Variants in ANXA6 observed in about 807,000 individuals in gnomAD.
ANXA6 encodes 67 kDa calelectrin.
A neutral mutation model predicts 95.4 loss-of-function variants in ANXA6; 71 were observed. The observed-to-expected ratio is 0.74, with a 90% CI of 0.61 to 0.91. The LOEUF is 0.91. ANXA6 is among the 40% of genes least tolerant of loss of function. The pLI, the probability that ANXA6 is intolerant of heterozygous loss-of-function variation, is 0.00. For synonymous variants in ANXA6, 289 were observed against 315.9 expected (o/e 0.91, Z 0.90); for missense variants, 830 against 876.4 (o/e 0.95, Z 0.67).
chr5:151,146,708 C>T (rs1295425722), intron 2 of ANXA6, among the ~76,000 whole-genome samples: 1 of 152,192 alleles, frequency 6.6e-6, no homozygotes, highest in African/African-American at 2.4e-5. Context: ...TTCTCCCTGC[C>T]AATCCCATCG....
intron 7 of ANXA6, among the ~76,000 whole-genome samples, chr5:151,135,092 A>T (rs1008829130): frequency 7.2e-5 from 11 of 152,218 alleles, no homozygotes; most frequent in Non-Finnish European, 1.3e-4. Context: ...AGGGGCGAGC[A>T]GTACTCAACT....
intron 1 of ANXA6, among the ~76,000 whole-genome samples, chr5:151,150,464 G>A (rs113178535): frequency 1.3e-5 from 2 of 152,326 alleles, no homozygotes; most frequent in South Asian, 4.1e-4. Context: ...TACTGTGCTG[G>A]TGGGAAGTTG....
chr5:151,155,896 C>A (rs1370518558), intron 1 of ANXA6, among the ~76,000 whole-genome samples: 1 of 152,174 alleles, frequency 6.6e-6, no homozygotes, highest in African/African-American at 2.4e-5. Flanking sequence ...TGGCCCAGGG[C>A]TCCCTCTGGA....
chr5:151,140,050 C>A, intron 3 of ANXA6, 103 bp downstream of exon 3: 1 of 853,708 alleles, frequency 1.2e-6, no homozygotes. Context: ...TGAATAAGTG[C>A]ACTTCACCAT....
chr5:151,123,686 C>T (rs1028585600), intron 15 of ANXA6, among the ~76,000 whole-genome samples: 14 of 152,146 alleles, frequency 9.2e-5, no homozygotes, highest in African/African-American at 3.4e-4. Context: ...CCTAAAGCCT[C>T]CTGGGAGTTG....
chr5:151,151,181 TCCACAGC>T (rs1306360305), intron 1 of ANXA6: 10 of 152,352 alleles, frequency 6.6e-5, no homozygotes, highest in African/African-American at 2.4e-4. Context: ...CCCTGCTGAT[TCCACAGC>T]CCCGCCTCTG....
intron 2 of ANXA6, 84 bp downstream of exon 2, chr5:151,147,800 C>A: frequency 6.9e-7 from 1 of 1,459,186 alleles, no homozygotes; most frequent in Non-Finnish European, 9.4e-7. Flanking sequence ...TACCAGGGGT[C>A]TCTGTAGCAG....
chr5:151,132,996 A>G lies in ANXA6; in HGVS notation c.640+98T>C, dbSNP rs964927194. The G allele has an allele frequency of 7.7e-6, 7 of 911,204 alleles. No homozygotes were observed. In the Admixed American group the frequency reaches 1.3e-4, roughly 17 times the overall value. 56.4% of individuals were successfully genotyped at this position (911,204 alleles called of 1,614,324 possible). ...AGTTTGGGTTGGGAATGAAGTAGGT[A>G]TCATGTTCCATTAGTGGTAAAGAAA... is the stretch of plus-strand genomic sequence containing the variant. On this transcript the variant is annotated intron_variant, in intron 9 of 25. Coordinates refer to ENST00000354546, the MANE Select transcript of ANXA6 (RefSeq NM_001155.5).
At chr5:151,132,657 G>A in intron 9 of ANXA6, 86 bp from the exon 10 acceptor site, 1 of 1,161,878 alleles carries the variant, frequency 8.6e-7, no homozygotes. Context: ...GGGGGGCACA[G>A]TGGCCAGGAC....
chr5:151,122,373 T>C, intron 16 of ANXA6, 113 bp from the exon 17 acceptor site: 2 of 652,304 alleles, frequency 3.1e-6, no homozygotes, highest in South Asian at 3.7e-5. Flanking sequence ...TCATGGAAGC[T>C]TGTGTCTGTC....
Position 151,136,147 on chromosome 5 carries a change from T to C in ANXA6, c.489+109A>G, listed in dbSNP as rs1436650335. On this transcript the variant is annotated intron_variant, in intron 7 of 25. Coordinates refer to ENST00000354546, the MANE Select transcript of ANXA6 (RefSeq NM_001155.5). Reference sequence around the variant, plus strand: ...AGGATTAGCCAAATACACCTGCCTGTGCAAACCAGGGGAAGCTGACCAGAC... The same window carrying C: ...AGGATTAGCCAAATACACCTGCCTGCGCAAACCAGGGGAAGCTGACCAGAC... 3 of 1,032,538 alleles carry C rather than the reference T, an allele frequency of 2.9e-6. No homozygotes were observed. In the African/African-American group the frequency reaches 4.8e-5, roughly 16 times the overall value. The allele number at this position is 1,032,538 out of a possible 1,614,324, so 64.0% of individuals were successfully genotyped here.
chr5:151,147,776 T>C, intron 2 of ANXA6, 108 bp downstream of exon 2: 3 of 1,286,262 alleles, frequency 2.3e-6, no homozygotes, highest in Non-Finnish European at 3.3e-6. Context: ...TTCCTCCTTT[T>C]TTCAAGCTGA....
intron 4 of ANXA6, 99 bp downstream of exon 4, chr5:151,139,254 C>A: frequency 1.2e-6 from 1 of 863,636 alleles, no homozygotes; most frequent in Non-Finnish European, 1.8e-6. Flanking sequence ...ACAGGCTAAC[C>A]TGGAGTGCCA....
chr5:151,128,521 T>G (rs905211241), intron 12 of ANXA6: 30 of 410,518 alleles, frequency 7.3e-5, no homozygotes, highest in Non-Finnish European at 1.2e-4. Context: ...TATGCGGAGT[T>G]GAGAAGAGAT....
chr5:151,146,532 G>A (rs971362106), intron 2 of ANXA6, among the ~76,000 whole-genome samples: 5 of 152,190 alleles, frequency 3.3e-5, no homozygotes, highest in Admixed American at 2.6e-4. Flanking sequence ...GTCAAGGATG[G>A]ATGGAGTTTT....
At chr5:151,148,943 G>A (rs899417748) in intron 1 of ANXA6, among the ~76,000 whole-genome samples, 22 of 151,964 alleles carry the variant, frequency 1.4e-4, no homozygotes, top group Admixed American at 1.4e-3. Context: ...GGGAAGCTGA[G>A]GTGGGAGGAT....
In ANXA6 at chr5:151,101,014, A is replaced by G; in HGVS notation, c.*434T>C. 5 of 461,454 alleles carry G rather than the reference A, an allele frequency of 1.1e-5. No individual in the cohort carries two copies. Among genetic ancestry groups the G allele is most frequent in the South Asian group, 7.7e-5 (5 of 64,616 alleles). 28.6% of individuals were successfully genotyped at this position (461,454 alleles called of 1,614,324 possible). A position where few individuals can be genotyped will look rare whatever the true frequency, so the allele number is the denominator to read the frequency against. ...ATGGGAAGATTTGTCAGTTTGCCCC[A>G]GCACATTTACTATCCTTCCCACCAC... is the stretch of plus-strand genomic sequence containing the variant. On this transcript the variant is annotated 3_prime_UTR_variant, in exon 26 of 26. Coordinates refer to ENST00000354546, the MANE Select transcript of ANXA6 (RefSeq NM_001155.5).
intron 20 of ANXA6, among the ~76,000 whole-genome samples, chr5:151,111,867 C>T (rs556422330): frequency 2.6e-5 from 4 of 152,190 alleles, no homozygotes; most frequent in Non-Finnish European, 5.9e-5. Flanking sequence ...CAGCTCACTG[C>T]AACCTCCACC....
rs188566675 is a variant in ANXA6 at position 151,147,931 on chromosome 5, A to G, written c.-25-5T>C. On this transcript the variant is annotated splice_polypyrimidine_tract_variant and splice_region_variant and intron_variant, in intron 1 of 25. Coordinates refer to ENST00000354546, the MANE Select transcript of ANXA6 (RefSeq NM_001155.5). ...TCCGGTTCGCAGCAGAATCCACTGT[A>G]GAGAAGAAAGACAGCATGTGAGATT... The G allele has an allele frequency of 5.9e-4, 949 of 1,602,080 alleles. 1 individual carries two copies. Among genetic ancestry groups the G allele is most frequent in the Middle Eastern group, 3.5e-3 (21 of 6,048 alleles).
Sources: allele counts gnomAD v4.1 joint callset (sites outside exome capture counted in the v4.1 genomes callset), GRCh38; gene constraint gnomAD v4.1.1; transcripts MANE v1.5; gene names NCBI Gene and HGNC (gene_info 2026-07-23, HGNC 2026-07-21).